LIN28B: variants seen among roughly 807,000 people sequenced by gnomAD.
LIN28B encodes protein lin-28 homolog B.
A neutral mutation model predicts 21.9 loss-of-function variants in LIN28B; 5 were observed. That is an observed-to-expected ratio of 0.23 (90% CI 0.12 to 0.48). The LOEUF is 0.48. LIN28B is among the 20% of genes least tolerant of loss of function. LIN28B has a pLI of 0.98. For synonymous variants in LIN28B, 109 were observed against 111.3 expected, an observed-to-expected ratio of 0.98 and a Z score of 0.13; for missense variants, 245 against 310.5, an observed-to-expected ratio of 0.79 and a Z score of 1.58.
intron 3 of LIN28B, among the ~76,000 whole-genome samples, chr6:105,037,962 T>A (rs1007301332): frequency 2.0e-5 from 3 of 152,058 alleles, no homozygotes; most frequent in Admixed American, 1.3e-4. Flanking sequence ...ACCCCTACCT[T>A]ATACCATTTT....
At chr6:104,993,897 A>C (rs993624136) in intron 2 of LIN28B, among the ~76,000 whole-genome samples, 4 of 152,092 alleles carry the variant, frequency 2.6e-5, no homozygotes, top group African/African-American at 9.7e-5. Context: ...TAATAATTCC[A>C]AAAGCAATAA....
intron 1 of LIN28B, 86 bp downstream of exon 1, chr6:104,957,346 C>CA: frequency 3.5e-6 from 2 of 574,508 alleles, no homozygotes; most frequent in Non-Finnish European, 5.1e-6. Flanking sequence ...CTTAGACCGT[C>CA]CCCCCCTTCC....
At chr6:105,016,612 C>T (rs1002859851) in intron 2 of LIN28B, among the ~76,000 whole-genome samples, 24 of 152,050 alleles carry the variant, frequency 1.6e-4, no homozygotes, top group South Asian at 2.1e-4. Flanking sequence ...TTTTCTGCCT[C>T]CCTCCCTCTT....
chr6:104,981,893 A>G (rs1306153610), intron 2 of LIN28B, among the ~76,000 whole-genome samples: 2 of 152,218 alleles, frequency 1.3e-5, no homozygotes, highest in African/African-American at 2.4e-5. Context: ...AAGTTAGCCT[A>G]CAAATAAGGT....
intron 3 of LIN28B, among the ~76,000 whole-genome samples, chr6:105,075,878 C>T (rs1772415688): frequency 6.6e-6 from 1 of 152,108 alleles, no homozygotes; most frequent in South Asian, 2.1e-4. Context: ...TTTTCTGTCT[C>T]TTTGAAAATG....
At chr6:104,988,147 A>G (rs1318822917) in intron 2 of LIN28B, among the ~76,000 whole-genome samples, 1 of 152,212 alleles carries the variant, frequency 6.6e-6, no homozygotes, top group Non-Finnish European at 1.5e-5. Context: ...ACTCGGGGAA[A>G]ATGTTTAATA....
At chr6:104,943,644 G>A (rs1323628003) in intron 2 of LIN28B, among the ~76,000 whole-genome samples, 1 of 152,004 alleles carries the variant, frequency 6.6e-6, no homozygotes, top group African/African-American at 2.4e-5. Context: ...TTCTTATTAG[G>A]TATTTTTTAA....
At chr6:105,053,698 GGTGT>G (rs1215183082) in intron 3 of LIN28B, among the ~76,000 whole-genome samples, 1 of 104,736 alleles carries the variant, frequency 9.5e-6, no homozygotes, top group African/African-American at 3.9e-5. Flanking sequence ...TTGTTTGTAT[GGTGT>G]GTGTGTGGGT....
rs528337870 is a variant in LIN28B, at chr6:104,944,800, G to A, written c.19-5661G>A. Among the ~76,000 whole-genome samples the A allele has an allele frequency of 4.5e-4, 69 of 152,220 alleles. 1 individual carries two copies. In the South Asian group the frequency reaches 0.014, roughly 31 times the overall value. ...TTCTAAAAATAGAATGGGTTGATAT[G>A]CAGGATCATCAAATTAAGGGTCAAA... On this transcript the variant is annotated intron_variant, in intron 2 of 5. Transcript: ENST00000635857.
chr6:105,005,147 T>C (rs972661647), intron 2 of LIN28B, among the ~76,000 whole-genome samples: 5 of 152,200 alleles, frequency 3.3e-5, no homozygotes, highest in African/African-American at 4.8e-5. Flanking sequence ...TATCGTTTTA[T>C]TTATCTTCTG....
intron 2 of LIN28B, among the ~76,000 whole-genome samples, chr6:105,024,707 A>G (rs150925074): frequency 2.0e-5 from 3 of 152,174 alleles, no homozygotes; most frequent in Non-Finnish European, 2.9e-5. Context: ...CCCTGTTTTC[A>G]TGGGCTGTCT....
intron 2 of LIN28B, among the ~76,000 whole-genome samples, chr6:105,011,679 G>A (rs528185538): frequency 3.4e-4 from 52 of 151,042 alleles, no homozygotes; most frequent in African/African-American, 9.5e-4. Context: ...GAGAAACTCC[G>A]TCTCTACTAA....
chr6:105,048,244 G>A (rs533230103), intron 3 of LIN28B, among the ~76,000 whole-genome samples: 6 of 152,168 alleles, frequency 3.9e-5, no homozygotes, highest in Non-Finnish European at 7.3e-5. Context: ...GTTGAATTTC[G>A]TCAAAGGCCT....
intron 3 of LIN28B, among the ~76,000 whole-genome samples, chr6:105,041,117 G>A (rs1218207671): frequency 6.6e-6 from 1 of 151,150 alleles, no homozygotes; most frequent in Non-Finnish European, 1.5e-5. Context: ...TCACCATGTT[G>A]CCCAGGCTGT....
In LIN28B at chr6:105,078,968, T is replaced by C. The variant is rs1476749782; in HGVS notation, c.*185T>C. ...CATTTGAGCAGGGTGTCATGTTTTATGTTAATTCAGAGAATAAGATACTAT... is the reference window on the plus strand; with the variant it reads ...CATTTGAGCAGGGTGTCATGTTTTACGTTAATTCAGAGAATAAGATACTAT... On this transcript the variant is annotated 3_prime_UTR_variant, in exon 4 of 4. Coordinates refer to ENST00000345080, the MANE Select transcript of LIN28B (RefSeq NM_001004317.4). 21 of 625,922 alleles carry C rather than the reference T, an allele frequency of 3.4e-5. No homozygotes were observed. The highest frequency in any genetic ancestry group is 5.4e-5 in the Non-Finnish European group (20 of 369,422). 38.8% of individuals were successfully genotyped at this position (625,922 alleles called of 1,614,324 possible).
upstream of LIN28B, chr6:104,957,018 C>T (rs781013216): frequency 4.9e-5 from 65 of 1,324,898 alleles, no homozygotes; most frequent in Admixed American, 1.5e-4. Flanking sequence ...CTTAAGGATA[C>T]GAGGTGAAAT....
At chr6:105,070,794 C>T (rs1349919076) in intron 3 of LIN28B, among the ~76,000 whole-genome samples, 3 of 151,932 alleles carry the variant, frequency 2.0e-5, no homozygotes, top group Non-Finnish European at 4.4e-5. Flanking sequence ...AATAAAATGC[C>T]CTTTCACCGT....
intron 3 of LIN28B, among the ~76,000 whole-genome samples, chr6:105,035,729 A>C (rs959914764): frequency 2.0e-5 from 3 of 152,210 alleles, no homozygotes; most frequent in African/African-American, 7.2e-5. Context: ...AAGTTCACAT[A>C]GCTTACCCTC....
At chr6:104,941,869 C>T (rs1319445725) in intron 2 of LIN28B, among the ~76,000 whole-genome samples, 1 of 152,142 alleles carries the variant, frequency 6.6e-6, no homozygotes, top group African/African-American at 2.4e-5. Flanking sequence ...TTAAAAATTG[C>T]ACGTTGGTAA....
Sources: allele counts gnomAD v4.1 joint callset (sites outside exome capture counted in the v4.1 genomes callset), GRCh38; gene constraint gnomAD v4.1.1; transcripts MANE v1.5; gene names NCBI Gene and HGNC (gene_info 2026-07-23, HGNC 2026-07-21).